HHLA2: variants seen among roughly 807,000 people sequenced by gnomAD.
The protein encoded by HHLA2 is HERV-H LTR-associating protein 2.
A neutral mutation model predicts 45.9 loss-of-function variants in HHLA2; 48 were observed. The ratio of observed to expected loss-of-function variants is 1.05; its 90% confidence interval spans 0.83 to 1.33. The LOEUF (loss-of-function observed/expected upper bound fraction) is 1.33. Ranked by LOEUF, HHLA2 falls within the 40% of genes most tolerant of loss-of-function variation. The pLI, the probability that HHLA2 is intolerant of heterozygous loss-of-function variation, is 0.00. For synonymous variants in HHLA2, 161 were observed against 173.9 expected (o/e 0.93, Z 0.59); for missense variants, 462 against 494.3 (o/e 0.93, Z 0.62).
chr3:108,325,629 G>A (rs975137430), intron 2 of HHLA2: 10 of 239,080 alleles, frequency 4.2e-5, no homozygotes, highest in African/African-American at 1.4e-4. Flanking sequence ...CCCTCCCTTC[G>A]TAGGCCCAAA....
chr3:108,321,298 T>C (rs1030600268), intron 2 of HHLA2, among the ~76,000 whole-genome samples: 1 of 152,138 alleles, frequency 6.6e-6, no homozygotes, highest in Non-Finnish European at 1.5e-5. Flanking sequence ...GTCGTCTTTA[T>C]TGGTTTATAC....
chr3:108,356,280 T>C (rs1246882989), intron 6 of HHLA2, among the ~76,000 whole-genome samples: 1 of 152,164 alleles, frequency 6.6e-6, no homozygotes, highest in Non-Finnish European at 1.5e-5. Context: ...TCCACCCATA[T>C]CGGCCTCCCA....
intron 6 of HHLA2, among the ~76,000 whole-genome samples, chr3:108,357,631 A>G (rs777814469): frequency 2.0e-4 from 30 of 152,194 alleles, no homozygotes; most frequent in Non-Finnish European, 3.7e-4. Flanking sequence ...GCCCTCCTTG[A>G]AGGTCTAAAC....
chr3:108,355,128 C>T (rs1220318582), exon 6 of HHLA2: 5 of 1,611,980 alleles, frequency 3.1e-6, no homozygotes, highest in African/African-American at 2.7e-5. Flanking sequence ...TTCTCACACC[C>T]GTGATGAAGT....
rs150253423 is a variant in HHLA2, at chr3:108,353,194, C to CTGT, written c.65-231_65-229dup. Among the ~76,000 whole-genome samples the CTGT allele has an allele frequency of 9.6e-3, 1,469 of 152,258 alleles. 22 individuals are homozygous for CTGT. Among genetic ancestry groups the CTGT allele is most frequent in the African/African-American group, 0.033 (1,381 of 41,542 alleles). On this transcript the variant is annotated intron_variant, in intron 4 of 10. Transcript: ENST00000619531. The stretch of plus-strand genomic sequence containing the variant: ...CAAACCAGTGTTTCTATGCCTTGGG[C>CTGT]TGTTACCAGTTCTCCCAGTTACATT...
chr3:108,333,708 C>T (rs1211626622), intron 3 of HHLA2, among the ~76,000 whole-genome samples: 1 of 151,920 alleles, frequency 6.6e-6, no homozygotes, highest in Non-Finnish European at 1.5e-5. Flanking sequence ...TCAGATCTCG[C>T]TGAAATCATT....
chr3:108,357,588 A>C (rs915133067), intron 6 of HHLA2, among the ~76,000 whole-genome samples: 11 of 152,280 alleles, frequency 7.2e-5, no homozygotes, highest in African/African-American at 2.6e-4. Context: ...GAGTTAAAAC[A>C]AGTATATCAC....
At chr3:108,360,933 G>A (rs1266131556) in intron 7 of HHLA2, among the ~76,000 whole-genome samples, 1 of 152,156 alleles carries the variant, frequency 6.6e-6, no homozygotes, top group African/African-American at 2.4e-5. Flanking sequence ...CATTTGTTAT[G>A]TAAAAAGAGG....
intron 8 of HHLA2, among the ~76,000 whole-genome samples, chr3:108,362,776 TA>T (rs200564363): frequency 0.016 from 2,486 of 152,304 alleles, 67 homozygotes; most frequent in African/African-American, 0.057. Context: ...CTTTACTTTT[TA>T]AAATTTTAAT....
intron 2 of HHLA2, among the ~76,000 whole-genome samples, chr3:108,313,908 A>G (rs1047727114): frequency 1.3e-5 from 2 of 152,198 alleles, no homozygotes; most frequent in African/African-American, 4.8e-5. Flanking sequence ...CAGGGTTATG[A>G]TGACTTCATC....
At chr3:108,329,227 T>C (rs1405899632) in intron 3 of HHLA2, among the ~76,000 whole-genome samples, 2 of 152,204 alleles carry the variant, frequency 1.3e-5, no homozygotes, top group Admixed American at 6.5e-5. Context: ...AAACAGAACT[T>C]ACTTTCCAGG....
At chr3:108,321,710 T>A (rs555539105) in intron 2 of HHLA2, among the ~76,000 whole-genome samples, 2 of 152,248 alleles carry the variant, frequency 1.3e-5, no homozygotes, top group South Asian at 4.1e-4. Context: ...TCTGGAAAAT[T>A]TTCTTAAATA....
At chr3:108,327,626 G>T (rs2081309369) in intron 2 of HHLA2, among the ~76,000 whole-genome samples, 1 of 152,088 alleles carries the variant, frequency 6.6e-6, no homozygotes, top group African/African-American at 2.4e-5. Context: ...CCCAGTTCTT[G>T]TAGTTTCTGT....
intron 3 of HHLA2, among the ~76,000 whole-genome samples, chr3:108,346,783 C>T (rs1321871682): frequency 1.3e-5 from 2 of 152,214 alleles, no homozygotes; most frequent in Non-Finnish European, 2.9e-5. Flanking sequence ...GTCCCAACTG[C>T]AAGTGATGTT....
chr3:108,358,920 C>T lies in HHLA2; in HGVS notation c.1003+759C>T, dbSNP rs148193269. 8.3e-3 allele frequency among the ~76,000 whole-genome samples: 1,257 copies of T among 152,194 alleles called. 7 individuals carry two copies. The highest frequency in any genetic ancestry group is 0.01 in the Non-Finnish European group (712 of 68,012). On this transcript the variant is annotated intron_variant, in intron 7 of 10. Transcript: ENST00000619531. ...AACATTTGAAGTTTTGGTGATTCTA[C>T]GTAGTGAGATTTGGAGACAAGAGCA...
intron 3 of HHLA2, among the ~76,000 whole-genome samples, chr3:108,331,843 C>A (rs1264958343): frequency 2.0e-5 from 3 of 152,128 alleles, no homozygotes; most frequent in African/African-American, 7.2e-5. Flanking sequence ...TCCTCTGCTG[C>A]CTGCCTCCCC....
At chr3:108,335,574 C>T (rs940579105) in intron 3 of HHLA2, among the ~76,000 whole-genome samples, 1 of 152,106 alleles carries the variant, frequency 6.6e-6, no homozygotes, top group African/African-American at 2.4e-5. Flanking sequence ...AGTTCTTGGG[C>T]ATGTTGGTCA....
intron 1 of HHLA2, among the ~76,000 whole-genome samples, chr3:108,307,128 A>T (rs999018133): frequency 2.0e-5 from 3 of 152,092 alleles, no homozygotes; most frequent in Non-Finnish European, 1.5e-5. Context: ...AGCCCTTTTT[A>T]AAAAAAATTT....
chr3:108,368,874 G>C (rs892439342), intron 8 of HHLA2, among the ~76,000 whole-genome samples: 10 of 152,022 alleles, frequency 6.6e-5, no homozygotes, highest in African/African-American at 1.9e-4. Flanking sequence ...TGGACTAAGC[G>C]GACCTAATGG....
Sources: gnomAD v4.1 joint callset for allele counts (sites outside exome capture counted in the v4.1 genomes callset) on GRCh38, gnomAD v4.1.1 for gene constraint, MANE v1.5 for transcripts, NCBI Gene and HGNC (gene_info 2026-07-23, HGNC 2026-07-21) for gene names.